BUB1B: variants seen among roughly 807,000 people sequenced by gnomAD.
BUB1B encodes BUB1 mitotic checkpoint serine/threonine kinase B.
A neutral mutation model predicts 137.7 loss-of-function variants in BUB1B; 86 were observed. That is an observed-to-expected ratio of 0.62 (90% CI 0.52 to 0.75). The LOEUF (loss-of-function observed/expected upper bound fraction) is 0.75, where lower values mean the gene tolerates loss of function less well. Among genes scored for constraint, BUB1B ranks in the 30% least tolerant of loss-of-function variants. The pLI, the probability that BUB1B is intolerant of heterozygous loss-of-function variation, is 0.00. For missense variants in BUB1B, 1,130 were observed against 1,236.9 expected, an observed-to-expected ratio of 0.91 and a Z score of 1.30; for synonymous variants, 420 against 417.9, an observed-to-expected ratio of 1.00 and a Z score of -0.06.
rs754144695 is a variant in BUB1B, at chr15:40,161,101, C to A, written c.-120C>A. The stretch of plus-strand genomic sequence containing the variant: ...TGAGGTGGCCGGTTTGTTAGGGAGT[C>A]GTGTACGTGCCTTGGTCGCTTCTGT... On this transcript the variant is annotated 5_prime_UTR_variant, in exon 1 of 23. Coordinates refer to ENST00000287598, the MANE Select transcript of BUB1B (RefSeq NM_001211.6). 4.5e-6 allele frequency: 6 copies of A among 1,332,258 alleles called. No homozygotes were observed. Among genetic ancestry groups the A allele is most frequent in the African/African-American group, 1.5e-5 (1 of 67,970 alleles). 82.5% of individuals were successfully genotyped at this position (1,332,258 alleles called of 1,614,324 possible). A position where few individuals can be genotyped will look rare whatever the true frequency, so the allele number is the denominator to read the frequency against.
chr15:40,170,032 A>T (rs1157348193), intron 2 of BUB1B, 30 bp from the exon 3 acceptor site: 1 of 1,570,810 alleles, frequency 6.4e-7, no homozygotes. Flanking sequence ...TCACTATTGC[A>T]TATGCTAACT....
rs1450949968 is a variant in BUB1B at position 40,174,923 on chromosome 15, C to A, written c.385-1554C>A. 2.6e-5 allele frequency among the ~76,000 whole-genome samples: 4 copies of A among 152,198 alleles called. No individual in the cohort carries two copies. In the East Asian group the frequency reaches 7.7e-4, roughly 29 times the overall value. On this transcript the variant is annotated intron_variant, in intron 4 of 22. Coordinates refer to ENST00000287598, the MANE Select transcript of BUB1B (RefSeq NM_001211.6). ...AAGTTGCAGTGAGGCGAGATCGCGC[C>A]GCTGCACTCCAGCCTGGGCGACAGA...
At chr15:40,203,621 G>C (rs2037602041) in intron 14 of BUB1B, among the ~76,000 whole-genome samples, 1 of 152,088 alleles carries the variant, frequency 6.6e-6, no homozygotes, top group South Asian at 2.1e-4. Context: ...AACCAACATA[G>C]CAAAAGACAT....
chr15:40,210,958 T>C (rs1232680243), intron 18 of BUB1B, among the ~76,000 whole-genome samples: 1 of 152,224 alleles, frequency 6.6e-6, no homozygotes, highest in Non-Finnish European at 1.5e-5. Context: ...AGGTACTCAA[T>C]GGCCATTTCA....
In BUB1B at chr15:40,208,776, A is replaced by G. The variant is rs775583985; in HGVS notation, c.2143+6A>G. ...ACTTACTAATGAGACTTCAGGTAGG[A>G]TATACATACCACTATATCCATGCCT... On this transcript the variant is annotated splice_donor_region_variant and intron_variant, in intron 16 of 22. Coordinates refer to ENST00000287598, the MANE Select transcript of BUB1B (RefSeq NM_001211.6). 1 of 1,607,104 alleles carries G rather than the reference A, an allele frequency of 6.2e-7. No homozygotes were observed. The highest frequency in any genetic ancestry group is 8.5e-7 in the Non-Finnish European group (1 of 1,173,814).
At chr15:40,208,972 C>A (rs922981547) in intron 16 of BUB1B, among the ~76,000 whole-genome samples, 6 of 152,058 alleles carry the variant, frequency 3.9e-5, no homozygotes, top group African/African-American at 1.4e-4. Context: ...TGTGCCACCA[C>A]CAATTTTTGT....
intron 8 of BUB1B, among the ~76,000 whole-genome samples, chr15:40,192,802 T>G (rs1485173526): frequency 6.6e-6 from 1 of 152,244 alleles, no homozygotes; most frequent in Non-Finnish European, 1.5e-5. Flanking sequence ...GAGGTCATTT[T>G]GGTGACTTAC....
rs529880290 is a variant in BUB1B at position 40,196,890 on chromosome 15, A to G, written c.1288+116A>G. ...GTTTGTACCTTTGTATGATGTTTCT[A>G]TGGTAGTACTGTTTCTTTCTGTGTA... On this transcript the variant is annotated intron_variant, in intron 9 of 22. Coordinates refer to ENST00000287598, the MANE Select transcript of BUB1B (RefSeq NM_001211.6). The G allele has an allele frequency of 4.0e-5, 37 of 915,580 alleles. 1 individual carries two copies. The East Asian group carries it at 4.7e-4, about 12-fold the overall frequency. The allele number at this position is 915,580 out of a possible 1,614,324, so 56.7% of individuals were successfully genotyped here.
chr15:40,163,849 T>G, intron 1 of BUB1B, among the ~76,000 whole-genome samples: 1 of 152,294 alleles, frequency 6.6e-6, no homozygotes, highest in Non-Finnish European at 1.5e-5. Flanking sequence ...TTGATTAAAG[T>G]CATAGTTTCC....
rs566826994 is a variant in BUB1B, at chr15:40,184,312, C to CT, written c.751+442dup. Among the ~76,000 whole-genome samples the CT allele has an allele frequency of 6.6e-3, 953 of 144,578 alleles. 7 individuals are homozygous for CT. Among genetic ancestry groups the CT allele is most frequent in the African/African-American group, 0.02 (800 of 39,960 alleles). 94.8% of individuals were successfully genotyped at this position (144,578 alleles called of 152,430 possible). ...AATAATTTTTTTTAATTAACATGGA[C>CT]TTTTTTTTTTTTTGAGAGATAGGTT... On this transcript the variant is annotated intron_variant, in intron 6 of 22. Transcript: ENST00000287598.
intron 9 of BUB1B, among the ~76,000 whole-genome samples, chr15:40,197,140 A>G (rs1488736748): frequency 6.6e-6 from 1 of 152,186 alleles, no homozygotes. Context: ...ATGCATCCCT[A>G]TTAAGTACTT....
At chr15:40,218,978 C>T (rs1414554802) in intron 22 of BUB1B, among the ~76,000 whole-genome samples, 8 of 152,220 alleles carry the variant, frequency 5.3e-5, no homozygotes, top group Non-Finnish European at 1.0e-4. Context: ...GTGGCATGAT[C>T]TCGGCTCACT....
intron 5 of BUB1B, 74 bp from the exon 6 acceptor site, chr15:40,183,640 T>G: frequency 6.9e-7 from 1 of 1,448,494 alleles, no homozygotes; most frequent in Non-Finnish European, 9.7e-7. Context: ...TTTGTTTACT[T>G]TAACAAATTG....
intron 14 of BUB1B, among the ~76,000 whole-genome samples, chr15:40,204,604 C>T (rs1566826126): frequency 6.6e-6 from 1 of 151,346 alleles, no homozygotes; most frequent in Non-Finnish European, 1.5e-5. Flanking sequence ...ACTTTAATCA[C>T]ATATATAAAT....
At chr15:40,206,739 G>A (rs181943772) in intron 15 of BUB1B, among the ~76,000 whole-genome samples, 2 of 152,140 alleles carry the variant, frequency 1.3e-5, no homozygotes, top group Admixed American at 1.3e-4. Context: ...CATGACTGAC[G>A]AAAAGGAGGC....
chr15:40,177,368 T>C (rs1668805270), intron 5 of BUB1B, among the ~76,000 whole-genome samples: 1 of 152,182 alleles, frequency 6.6e-6, no homozygotes, highest in African/African-American at 2.4e-5. Context: ...TTTCACTTTT[T>C]ACATTTAGAT....
At position 40,218,578 on chromosome 15, in the gene BUB1B, T is replaced by C. The variant is rs767194740; in HGVS notation, c.2957+16T>C. 8 of 1,550,312 alleles carry C rather than the reference T, an allele frequency of 5.2e-6. No homozygotes were observed. The highest frequency in any genetic ancestry group is 3.3e-5 in the Admixed American group (2 of 59,912). ...ATATTTCTGAGTAAGTATTGATGAA[T>C]GTCAGGGTCTCTGCCTGTCCCAATA... On this transcript the variant is annotated intron_variant, in intron 22 of 22. Transcript: ENST00000287598.
rs2037324148 is a variant in BUB1B at position 40,183,748 on chromosome 15, T to C, written c.616T>C (p.Leu206=). 2 of 1,614,164 alleles carry C rather than the reference T, an allele frequency of 1.2e-6. No individual in the cohort carries two copies. Among genetic ancestry groups the C allele is most frequent in the Non-Finnish European group, 8.5e-7 (1 of 1,180,006 alleles). ...AGCTCGAGTGTCTCGGCAAACTCTGTTGGCACTTGAGAAAGAAGAAGAGGA... is the reference window on the plus strand; with the variant it reads ...AGCTCGAGTGTCTCGGCAAACTCTGCTGGCACTTGAGAAAGAAGAAGAGGA... The part of the protein sequence containing the change: ...FQARVSRQTL[L]ALEKEEEEEV... Residue 206 remains leucine, a synonymous_variant, in exon 6 of 23, where the codon TTG becomes CTG. Transcript: ENST00000287598.
At chr15:40,199,310 C>T (rs1258423375) in intron 9 of BUB1B, among the ~76,000 whole-genome samples, 4 of 152,222 alleles carry the variant, frequency 2.6e-5, no homozygotes. Context: ...GTTAGTATCA[C>T]ATAACCAAGG....
Sources: gnomAD v4.1 joint callset for allele counts (sites outside exome capture counted in the v4.1 genomes callset) on GRCh38, gnomAD v4.1.1 for gene constraint, MANE v1.5 for transcripts, NCBI Gene and HGNC (gene_info 2026-07-23, HGNC 2026-07-21) for gene names.